Variants in SLC4A5 observed in about 807,000 individuals in gnomAD.
The protein encoded by SLC4A5 is electrogenic sodium bicarbonate cotransporter 4.
Under a neutral mutation model 120.4 loss-of-function variants are expected in SLC4A5, and 96 were observed. The observed-to-expected ratio is 0.80, with a 90% confidence interval of 0.68 to 0.94. SLC4A5 has a LOEUF of 0.94. Among genes scored for constraint, SLC4A5 ranks in the 40% least tolerant of loss-of-function variants. SLC4A5 has a pLI of 0.00. For missense variants in SLC4A5, 1,259 were observed against 1,459.5 expected (o/e 0.86, Z 2.24); for synonymous variants, 550 against 571.1 (o/e 0.96, Z 0.53).
intron 5 of SLC4A5, among the ~76,000 whole-genome samples, chr2:74,327,573 A>G (rs1673246068): frequency 6.6e-6 from 1 of 152,248 alleles, no homozygotes; most frequent in Non-Finnish European, 1.5e-5. Context: ...TAGCAGTAGC[A>G]AAACCAGGTA....
intron 7 of SLC4A5, among the ~76,000 whole-genome samples, chr2:74,294,081 A>C (rs939913918): frequency 1.3e-5 from 2 of 152,230 alleles, no homozygotes; most frequent in African/African-American, 4.8e-5. Flanking sequence ...TGGCATGTGC[A>C]TGGCCAGCCC....
chr2:74,309,787 C>G (rs985037075), intron 6 of SLC4A5, among the ~76,000 whole-genome samples: 15 of 151,818 alleles, frequency 9.9e-5, no homozygotes, highest in Middle Eastern at 6.8e-3. Flanking sequence ...TCCTGAGTAA[C>G]TGGGACTACA....
intron 26 of SLC4A5, 61 bp downstream of exon 26, chr2:74,227,749 A>G: frequency 6.9e-7 from 1 of 1,453,344 alleles, no homozygotes; most frequent in Non-Finnish European, 9.3e-7. Flanking sequence ...TCTTGGTGAC[A>G]TGGAACCAGA....
chr2:74,262,698 CAAA>C (rs1237319584), intron 10 of SLC4A5, among the ~76,000 whole-genome samples: 1 of 106,584 alleles, frequency 9.4e-6, no homozygotes, highest in African/African-American at 3.3e-5. Context: ...GACTCCGTCT[CAAA>C]AAAAAAAAAA....
chr2:74,324,407 T>C (rs549202750), intron 5 of SLC4A5, among the ~76,000 whole-genome samples: 33 of 152,246 alleles, frequency 2.2e-4, no homozygotes, highest in South Asian at 1.0e-3. Context: ...ATTACACGTG[T>C]GAGCAGCTCC....
chr2:74,312,214 T>C lies in SLC4A5; in HGVS notation c.79+2731A>G, dbSNP rs895632593. Among the ~76,000 whole-genome samples the C allele has an allele frequency of 8.5e-5, 13 of 152,100 alleles. 1 individual carries two copies. Among genetic ancestry groups the C allele is most frequent in the Admixed American group, 7.9e-4 (12 of 15,258 alleles). ...ATCTGTATCTATATCTATACCTATC[T>C]ATCTATATCTCTATATGTGTGTGTG... On this transcript the variant is annotated intron_variant, in intron 6 of 30. Transcript: ENST00000394019.
chr2:74,247,188 G>A (rs1670639731), exon 19 of SLC4A5: 3 of 1,614,098 alleles, frequency 1.9e-6, no homozygotes, highest in East Asian at 2.2e-5. Flanking sequence ...GCCCTCCTCG[G>A]TGAAGCGGGT....
intron 7 of SLC4A5, 110 bp downstream of exon 7, chr2:74,304,379 C>T (rs891157393): frequency 1.7e-6 from 2 of 1,147,410 alleles, no homozygotes; most frequent in Middle Eastern, 3.0e-4. Context: ...TTAGGCTGAG[C>T]CATGTGGAGC....
At chr2:74,241,546 G>A (rs571847468) in intron 20 of SLC4A5, among the ~76,000 whole-genome samples, 9 of 151,906 alleles carry the variant, frequency 5.9e-5, no homozygotes, top group African/African-American at 2.2e-4. Flanking sequence ...TTCAAAACCA[G>A]CTTGGCCAAC....
intron 8 of SLC4A5, 49 bp downstream of exon 8, chr2:74,285,724 G>A: frequency 1.3e-6 from 2 of 1,596,640 alleles, no homozygotes; most frequent in Non-Finnish European, 1.7e-6. Flanking sequence ...GGCAAGCCCA[G>A]GCTGTGTGAG....
chr2:74,294,140 G>T (rs956546016), intron 7 of SLC4A5, among the ~76,000 whole-genome samples: 1 of 152,186 alleles, frequency 6.6e-6, no homozygotes, highest in Admixed American at 6.5e-5. Flanking sequence ...GCCTAAGTAT[G>T]TTGGGGGTCA....
chr2:74,314,187 C>T (rs571858178), intron 6 of SLC4A5, among the ~76,000 whole-genome samples: 15 of 152,136 alleles, frequency 9.9e-5, no homozygotes, highest in Non-Finnish European at 1.8e-4. Flanking sequence ...CTATCATAAT[C>T]AAAAGAGCAT....
intron 7 of SLC4A5, chr2:74,290,477 GGAGA>G: frequency 3.0e-6 from 3 of 985,428 alleles, no homozygotes; most frequent in Non-Finnish European, 3.6e-6. Context: ...CTGGGGAGGT[GGAGA>G]GAGAGGCTAT....
At chr2:74,286,574 C>T (rs1272786071) in intron 7 of SLC4A5, among the ~76,000 whole-genome samples, 2 of 152,146 alleles carry the variant, frequency 1.3e-5, no homozygotes, top group Non-Finnish European at 2.9e-5. Context: ...CAGTGAATAC[C>T]TACTATGTGC....
intron 11 of SLC4A5, among the ~76,000 whole-genome samples, chr2:74,261,847 T>C (rs915696258): frequency 6.6e-6 from 1 of 152,216 alleles, no homozygotes; most frequent in African/African-American, 2.4e-5. Flanking sequence ...TTGATGAAGA[T>C]GAAGGTACAG....
chr2:74,261,384 G>A (rs1173825426), intron 11 of SLC4A5, among the ~76,000 whole-genome samples: 1 of 152,220 alleles, frequency 6.6e-6, no homozygotes, highest in East Asian at 1.9e-4. Flanking sequence ...TGCAGCAAAT[G>A]CCTGCTGTGC....
At chr2:74,326,587 G>A (rs556646528) in intron 5 of SLC4A5, among the ~76,000 whole-genome samples, 13 of 152,172 alleles carry the variant, frequency 8.5e-5, no homozygotes, top group East Asian at 7.7e-4. Context: ...TTGGGAGGAC[G>A]AGGCGGGCAG....
chr2:74,221,648 C>A lies in SLC4A5; in HGVS notation c.3332-147G>T, dbSNP rs553580668. ...AATACGGGGCCTCAGAGATGTGTGG[C>A]TTCGGGCTTAGTTACTCCTTCACCC... On this transcript the variant is annotated intron_variant, in intron 29 of 30. Transcript: ENST00000394019. 1.0e-5 allele frequency: 8 copies of A among 792,126 alleles called. No homozygotes were observed. In the African/African-American group the frequency reaches 1.2e-4, roughly 12 times the overall value. 49.1% of individuals were successfully genotyped at this position (792,126 alleles called of 1,614,324 possible).
intron 22 of SLC4A5, 23 bp from the exon 23 acceptor site, chr2:74,233,586 G>A: frequency 6.3e-7 from 1 of 1,595,888 alleles, no homozygotes; most frequent in Non-Finnish European, 8.5e-7. Context: ...AAACAGAGAG[G>A]GGCCCTTTCC....
Sources: allele counts gnomAD v4.1 joint callset (sites outside exome capture counted in the v4.1 genomes callset), GRCh38; gene constraint gnomAD v4.1.1; transcripts MANE v1.5; gene names NCBI Gene and HGNC (gene_info 2026-07-23, HGNC 2026-07-21).